Variants in GFRAL observed in about 807,000 individuals in gnomAD.
The protein encoded by GFRAL is GDNF family receptor alpha-like.
In GFRAL, 36 loss-of-function variants were observed where a neutral mutation model predicts 45.4. The observed-to-expected ratio is 0.79, with a 90% CI of 0.61 to 1.05. The LOEUF (loss-of-function observed/expected upper bound fraction) is 1.05, where lower values mean the gene tolerates loss of function less well. GFRAL is among the 50% of genes least tolerant of loss of function. The pLI is 0.00. For missense variants in GFRAL, 507 were observed against 467.5 expected (o/e 1.08, Z -0.78); for synonymous variants, 166 against 154.1 (o/e 1.08, Z -0.57).
intron 6 of GFRAL, among the ~76,000 whole-genome samples, chr6:55,372,244 G>A (rs1042578526): frequency 1.3e-5 from 2 of 152,282 alleles, no homozygotes; most frequent in Admixed American, 1.3e-4. Flanking sequence ...AGACTCAGCT[G>A]TAGATTCTCT....
At chr6:55,365,875 C>G (rs1244004304) in intron 6 of GFRAL, among the ~76,000 whole-genome samples, 1 of 146,854 alleles carries the variant, frequency 6.8e-6, no homozygotes, top group Non-Finnish European at 1.5e-5. Context: ...CATCAATGTT[C>G]ATCAAGGATA....
At chr6:55,392,531 G>C (rs1303888802) in intron 6 of GFRAL, among the ~76,000 whole-genome samples, 2 of 152,150 alleles carry the variant, frequency 1.3e-5, no homozygotes, top group Non-Finnish European at 2.9e-5. Context: ...TATCTCATGG[G>C]GACATGTTGG....
chr6:55,386,343 C>T (rs1768681890), intron 6 of GFRAL, among the ~76,000 whole-genome samples: 1 of 152,036 alleles, frequency 6.6e-6, no homozygotes, highest in African/African-American at 2.4e-5. Flanking sequence ...ATAATTTTCA[C>T]CTAAGGGACA....
intron 3 of GFRAL, among the ~76,000 whole-genome samples, chr6:55,348,389 T>C (rs1665946773): frequency 6.6e-6 from 1 of 152,074 alleles, no homozygotes; most frequent in Admixed American, 6.6e-5. Flanking sequence ...AAAATAACTG[T>C]TTTGTTGTGT....
At chr6:55,390,895 T>TACACACACACACACACATAC (rs1768742618) in intron 6 of GFRAL, among the ~76,000 whole-genome samples, 1 of 135,556 alleles carries the variant, frequency 7.4e-6, no homozygotes, top group Admixed American at 7.1e-5. Context: ...CTCACACACA[T>TACACACACACACACACATAC]ACACACACAC....
At chr6:55,379,725 C>A (rs1021578438) in intron 6 of GFRAL, among the ~76,000 whole-genome samples, 1 of 151,850 alleles carries the variant, frequency 6.6e-6, no homozygotes, top group African/African-American at 2.4e-5. Context: ...TCATCATTAA[C>A]TATAGTCACC....
At chr6:55,381,609 T>A (rs1768608835) in intron 6 of GFRAL, among the ~76,000 whole-genome samples, 1 of 151,914 alleles carries the variant, frequency 6.6e-6, no homozygotes, top group Non-Finnish European at 1.5e-5. Flanking sequence ...AGTCTTACAT[T>A]TTTTTCCTTA....
At chr6:55,359,740 T>G (rs1004916737) in intron 6 of GFRAL, among the ~76,000 whole-genome samples, 2 of 151,848 alleles carry the variant, frequency 1.3e-5, no homozygotes. Context: ...AGCAGAAGAG[T>G]TCCTAATGGC....
At chr6:55,364,211 T>C (rs1768321957) in intron 6 of GFRAL, among the ~76,000 whole-genome samples, 1 of 151,474 alleles carries the variant, frequency 6.6e-6, no homozygotes, top group South Asian at 2.1e-4. Flanking sequence ...TTTTTTCATG[T>C]GTTTTTTGGC....
intron 3 of GFRAL, among the ~76,000 whole-genome samples, chr6:55,343,385 G>T (rs61416369): frequency 6.6e-6 from 1 of 151,894 alleles, no homozygotes; most frequent in Admixed American, 6.6e-5. Context: ...ACTCCAAACC[G>T]CTCAATTACA....
chr6:55,343,280 A>C (rs889683552), intron 3 of GFRAL, among the ~76,000 whole-genome samples: 2 of 152,310 alleles, frequency 1.3e-5, no homozygotes, highest in Non-Finnish European at 2.9e-5. Flanking sequence ...GTTGGAAGTA[A>C]AGCACTCCTT....
intron 6 of GFRAL, among the ~76,000 whole-genome samples, chr6:55,363,743 C>T (rs894962768): frequency 1.3e-5 from 2 of 151,368 alleles, no homozygotes; most frequent in Non-Finnish European, 2.9e-5. Context: ...CAATTTCATC[C>T]ATGTCCCTAC....
chr6:55,370,550 T>C (rs1246752951), intron 6 of GFRAL, among the ~76,000 whole-genome samples: 1 of 152,232 alleles, frequency 6.6e-6, no homozygotes, highest in African/African-American at 2.4e-5. Flanking sequence ...TTGTAAATAG[T>C]GTAGCTTGAT....
At chr6:55,347,124 CT>C (rs2127354103) in intron 3 of GFRAL, among the ~76,000 whole-genome samples, 1 of 152,042 alleles carries the variant, frequency 6.6e-6, no homozygotes, top group African/African-American at 2.4e-5. Context: ...GAAACTGTTC[CT>C]TTATCTGAAT....
intron 6 of GFRAL, among the ~76,000 whole-genome samples, chr6:55,371,236 G>A (rs1768446280): frequency 6.6e-6 from 1 of 152,024 alleles, no homozygotes; most frequent in South Asian, 2.1e-4. Context: ...TATTTTCTCA[G>A]GATTATACTG....
intron 6 of GFRAL, among the ~76,000 whole-genome samples, chr6:55,373,023 C>G (rs1313303404): frequency 1.3e-5 from 2 of 150,908 alleles, no homozygotes; most frequent in Non-Finnish European, 2.9e-5. Flanking sequence ...ACACAGACAC[C>G]AAACACTAAC....
At chr6:55,387,663 G>A (rs896040478) in intron 6 of GFRAL, among the ~76,000 whole-genome samples, 8 of 152,138 alleles carry the variant, frequency 5.3e-5, no homozygotes, top group African/African-American at 1.9e-4. Flanking sequence ...GTAGACATTT[G>A]TGAAGAATCC....
chr6:55,369,477 C>A (rs895104079), intron 6 of GFRAL, among the ~76,000 whole-genome samples: 5 of 152,112 alleles, frequency 3.3e-5, no homozygotes, highest in Non-Finnish European at 5.9e-5. Context: ...CTGCTTAATT[C>A]TTTTTAAAGG....
At position 55,402,411 on chromosome 6, in the gene GFRAL, TA is replaced by T. The variant is rs1768912557; in HGVS notation, c.*559del. ...ATATAATAATATGGCATGATGATGT[TA>T]TTTTTTTCTTAATACTCAAGAAAAA... On this transcript the variant is annotated 3_prime_UTR_variant, in exon 9 of 9. Coordinates refer to ENST00000340465, the MANE Select transcript of GFRAL (RefSeq NM_207410.2). 1 of 146,896 alleles carries T rather than the reference TA, an allele frequency of 6.8e-6. No homozygotes were observed. The highest frequency in any genetic ancestry group is 3.5e-3 in the Middle Eastern group (1 of 288). The allele number at this position is 146,896 out of a possible 1,614,324, so 9.1% of individuals were successfully genotyped here.
Sources: allele counts gnomAD v4.1 joint callset (sites outside exome capture counted in the v4.1 genomes callset), GRCh38; gene constraint gnomAD v4.1.1; transcripts MANE v1.5; gene names NCBI Gene and HGNC (gene_info 2026-07-23, HGNC 2026-07-21).